Variants in ATF7IP observed in about 807,000 individuals in gnomAD.
The protein encoded by ATF7IP is activating transcription factor 7 interacting protein.
Under a neutral mutation model 106.4 loss-of-function variants are expected in ATF7IP, and 23 were observed. The observed-to-expected ratio is 0.22, with a 90% confidence interval of 0.16 to 0.31. The LOEUF is 0.31. Ranked by LOEUF, ATF7IP falls within the 10% of genes least tolerant of loss-of-function variation. ATF7IP has a pLI of 1.00. For synonymous variants in ATF7IP, 542 were observed against 539.0 expected (o/e 1.01, Z -0.08); for missense variants, 1,334 against 1,524.3 (o/e 0.88, Z 2.08).
intron 1 of ATF7IP, among the ~76,000 whole-genome samples, chr12:14,394,263 T>C (rs527775982): frequency 6.6e-6 from 1 of 152,352 alleles, no homozygotes; most frequent in East Asian, 1.9e-4. Context: ...TTTGTATTTT[T>C]AATGATTGCC....
chr12:14,452,362 G>T (rs1204329463), intron 6 of ATF7IP, among the ~76,000 whole-genome samples: 1 of 152,100 alleles, frequency 6.6e-6, no homozygotes, highest in African/African-American at 2.4e-5. Flanking sequence ...CATTGGAAGG[G>T]ACTTATTGTT....
At chr12:14,456,668 C>G (rs751230405) in intron 7 of ATF7IP, 34 bp downstream of exon 7, 5 of 1,440,392 alleles carry the variant, frequency 3.5e-6, no homozygotes, top group Non-Finnish European at 4.9e-6. Context: ...TTTTTAAAAA[C>G]AGAACAAAGT....
chr12:14,466,242 T>C, intron 9 of ATF7IP: 1 of 279,034 alleles, frequency 3.6e-6, no homozygotes, highest in Non-Finnish European at 6.6e-6. Flanking sequence ...GTTAGAACAT[T>C]TAAGTTATGT....
intron 1 of ATF7IP, among the ~76,000 whole-genome samples, chr12:14,379,686 C>T (rs927368522): frequency 9.2e-5 from 14 of 152,106 alleles, no homozygotes; most frequent in African/African-American, 2.9e-4. Flanking sequence ...GATAGTTTGG[C>T]TGGGTATAGA....
chr12:14,472,799 C>T (rs1944101713), intron 10 of ATF7IP, among the ~76,000 whole-genome samples: 1 of 146,584 alleles, frequency 6.8e-6, no homozygotes, highest in Non-Finnish European at 1.5e-5. Context: ...TTCAGTCATC[C>T]ATATATGTAT....
intron 1 of ATF7IP, among the ~76,000 whole-genome samples, chr12:14,376,157 T>A (rs1938729629): frequency 6.6e-6 from 1 of 152,240 alleles, no homozygotes; most frequent in Admixed American, 6.5e-5. Flanking sequence ...GATTGTCATA[T>A]CTGCAAGGTT....
chr12:14,452,491 C>T (rs577285272), intron 6 of ATF7IP, among the ~76,000 whole-genome samples: 4 of 151,278 alleles, frequency 2.6e-5, no homozygotes, highest in African/African-American at 4.9e-5. Flanking sequence ...TTTTACAGTT[C>T]GTTTTGTGTA....
At chr12:14,482,991 TAA>T (rs1398720782) in intron 13 of ATF7IP, among the ~76,000 whole-genome samples, 1 of 152,168 alleles carries the variant, frequency 6.6e-6, no homozygotes, top group Non-Finnish European at 1.5e-5. Flanking sequence ...GAAAAGGAAA[TAA>T]AGATATTTTC....
At chr12:14,446,397 C>T (rs1033461731) in intron 5 of ATF7IP, among the ~76,000 whole-genome samples, 1 of 152,170 alleles carries the variant, frequency 6.6e-6, no homozygotes, top group African/African-American at 2.4e-5. Flanking sequence ...ATCCACCTGC[C>T]TCGGCCTCCT....
chr12:14,452,419 T>G (rs1046115981), intron 6 of ATF7IP, among the ~76,000 whole-genome samples: 1 of 152,146 alleles, frequency 6.6e-6, no homozygotes, highest in Non-Finnish European at 1.5e-5. Flanking sequence ...TTTTGTTTCT[T>G]GATTCCTTTG....
chr12:14,468,059 G>T (rs1943896259), intron 10 of ATF7IP, among the ~76,000 whole-genome samples: 1 of 151,938 alleles, frequency 6.6e-6, no homozygotes, highest in Non-Finnish European at 1.5e-5. Context: ...CTGAGGTCAG[G>T]AGTTCAAGAC....
At chr12:14,431,356 G>A (rs1942116932) in intron 2 of ATF7IP, among the ~76,000 whole-genome samples, 2 of 150,738 alleles carry the variant, frequency 1.3e-5, no homozygotes, top group African/African-American at 4.9e-5. Context: ...AATTATAACA[G>A]AAACTTATCT....
Position 14,478,447 on chromosome 12 carries a change from G to T in ATF7IP, c.3072G>T (p.Gln1024His), listed in dbSNP as rs776248618. Residue 1024 changes from glutamine to histidine, a missense_variant, in exon 12 of 15, where the codon CAG (glutamine) becomes CAT (histidine). This residue lies in a region of ATF7IP where 370 missense variants were observed against 401.2 expected (regional missense o/e 0.92). Coordinates refer to ENST00000261168, the MANE Select transcript of ATF7IP (RefSeq NM_018179.5). ...GGGTGCCAACAAGTGGACCATCTCAGACCACCATACACTTACTACCTACAG... is the reference window on the plus strand; with the variant it reads ...GGGTGCCAACAAGTGGACCATCTCATACCACCATACACTTACTACCTACAG... ...PSGVPTSGPS[Q>H]TTIHLLPTAP... is the part of the protein sequence containing the mutation. The T allele has an allele frequency of 1.2e-6, 2 of 1,614,018 alleles. No homozygotes were observed. The highest frequency in any genetic ancestry group is 3.3e-5 in the Admixed American group (2 of 60,018).
chr12:14,396,214 T>A (rs1939831548), intron 1 of ATF7IP, among the ~76,000 whole-genome samples: 1 of 152,096 alleles, frequency 6.6e-6, no homozygotes, highest in Non-Finnish European at 1.5e-5. Flanking sequence ...AGCTCTCTGC[T>A]CTTTCCCTCC....
At chr12:14,431,216 A>C (rs552844083) in intron 2 of ATF7IP, among the ~76,000 whole-genome samples, 1 of 152,132 alleles carries the variant, frequency 6.6e-6, no homozygotes, top group Admixed American at 6.5e-5. Flanking sequence ...GGGATTACCA[A>C]AATTATGAGA....
intron 1 of ATF7IP, among the ~76,000 whole-genome samples, chr12:14,366,795 A>G (rs984714242): frequency 1.3e-5 from 2 of 152,126 alleles, no homozygotes; most frequent in Admixed American, 1.3e-4. Flanking sequence ...AAGAACATCC[A>G]TTACCCTGAG....
At chr12:14,437,168 A>G (rs1270692746) in intron 4 of ATF7IP, among the ~76,000 whole-genome samples, 1 of 152,214 alleles carries the variant, frequency 6.6e-6, no homozygotes, top group African/African-American at 2.4e-5. Flanking sequence ...GTTTTTCAAC[A>G]TGTGTTCACA....
In ATF7IP at chr12:14,500,413, T is replaced by C. The variant is rs1028891730; in HGVS notation, c.*2340T>C. ...ATAAATCAAATTTGCCAACCAATTA[T>C]GTAGATATTACTCATTCTAGGACTA... On this transcript the variant is annotated 3_prime_UTR_variant, in exon 15 of 15. Transcript: ENST00000261168. 6.6e-6 allele frequency: 1 copy of C among 152,196 alleles called. No homozygotes were observed. The highest frequency in any genetic ancestry group is 1.5e-5 in the Non-Finnish European group (1 of 68,026). 9.4% of individuals were successfully genotyped at this position (152,196 alleles called of 1,614,324 possible). A position where few individuals can be genotyped will look rare whatever the true frequency, so the allele number is the denominator to read the frequency against.
rs781235863 is a variant in ATF7IP at position 14,478,388 on chromosome 12, C to T, written c.3013C>T (p.Pro1005Ser). ...TCAGCCTGTGTCACGACCATTGCAACCCATACAACCAGCACCGCCTCTTCA... is the reference window on the plus strand; with the variant it reads ...TCAGCCTGTGTCACGACCATTGCAATCCATACAACCAGCACCGCCTCTTCA... ...SSQPVSRPLQPIQPAPPLQPS... is the reference protein window; with the variant it reads ...SSQPVSRPLQSIQPAPPLQPS... Residue 1005 changes from proline to serine, a missense_variant, in exon 12 of 15, where the codon CCC (proline) becomes TCC (serine). Around this residue, in one of 10 missense-constraint regions of ATF7IP, gnomAD observed 370 missense variants for 401.2 expected, o/e 0.92. Transcript: ENST00000261168. 4.3e-6 allele frequency: 7 copies of T among 1,614,050 alleles called. No individual in the cohort carries two copies. The South Asian group carries it at 5.5e-5, about 13-fold the overall frequency.
Sources: allele counts gnomAD v4.1 joint callset (sites outside exome capture counted in the v4.1 genomes callset), GRCh38; gene constraint gnomAD v4.1.1; regional missense constraint gnomAD v4.1.1; transcripts MANE v1.5; gene names NCBI Gene and HGNC (gene_info 2026-07-23, HGNC 2026-07-21).